EML5: variants seen among roughly 807,000 people sequenced by gnomAD.
EML5 encodes echinoderm microtubule-associated protein-like 5.
A neutral mutation model predicts 250.0 loss-of-function variants in EML5; 120 were observed. That is an observed-to-expected ratio of 0.48 (90% CI 0.41 to 0.56). The LOEUF (loss-of-function observed/expected upper bound fraction) is 0.56. Ranked by LOEUF, EML5 falls within the 20% of genes least tolerant of loss-of-function variation. EML5 has a pLI of 0.00. For missense variants in EML5, 2,006 were observed against 2,437.6 expected, an observed-to-expected ratio of 0.82 and a Z score of 3.73; for synonymous variants, 771 against 806.5, an observed-to-expected ratio of 0.96 and a Z score of 0.75.
intron 21 of EML5, among the ~76,000 whole-genome samples, chr14:88,665,705 G>C (rs981977111): frequency 6.6e-6 from 1 of 152,160 alleles, no homozygotes; most frequent in African/African-American, 2.4e-5. Flanking sequence ...CAAAGGAGAA[G>C]GGGCGAGGGG....
At chr14:88,713,094 T>C (rs2093431471) in intron 9 of EML5, among the ~76,000 whole-genome samples, 1 of 152,064 alleles carries the variant, frequency 6.6e-6, no homozygotes, top group African/African-American at 2.4e-5. Flanking sequence ...TCACAACAAA[T>C]AAAGTACTAT....
intron 17 of EML5, among the ~76,000 whole-genome samples, chr14:88,692,149 T>C (rs1339201363): frequency 1.3e-5 from 2 of 151,910 alleles, no homozygotes; most frequent in Non-Finnish European, 2.9e-5. Flanking sequence ...CCAAGGCGGG[T>C]TGATCACCTG....
Position 88,615,563 on chromosome 14 carries a change from A to G in EML5, c.*255T>C. ...ATCACACACTTCCCAATACAGGGGG[A>G]CTTGGCCTTTACCATCAAGTATTCG... On this transcript the variant is annotated 3_prime_UTR_variant, in exon 44 of 44. Coordinates refer to ENST00000554922, the MANE Select transcript of EML5 (RefSeq NM_183387.3). 1 of 420,648 alleles carries G rather than the reference A, an allele frequency of 2.4e-6. No individual in the cohort carries two copies. The highest frequency in any genetic ancestry group is 4.2e-6 in the Non-Finnish European group (1 of 238,398). 26.1% of individuals were successfully genotyped at this position (420,648 alleles called of 1,614,324 possible).
chr14:88,663,652 G>T (rs1266956498), intron 23 of EML5, among the ~76,000 whole-genome samples: 2 of 151,756 alleles, frequency 1.3e-5, no homozygotes, highest in African/African-American at 4.8e-5. Context: ...ATCAAACAAT[G>T]AGAAAAATGA....
Position 88,627,061 on chromosome 14 carries a change from C to A in EML5, c.4532-15G>T. On this transcript the variant is annotated splice_polypyrimidine_tract_variant and intron_variant, in intron 34 of 43. Transcript: ENST00000554922. ...AATTTTGGCACCTGACAAGATACAA[C>A]AAAATTATCTAGGTTATTACAAGAA... is the stretch of plus-strand genomic sequence containing the variant. The A allele has an allele frequency of 6.2e-7, 1 of 1,612,490 alleles. No individual in the cohort carries two copies.
At chr14:88,791,971 AG>A (rs1169522496) in intron 1 of EML5, among the ~76,000 whole-genome samples, 2 of 152,204 alleles carry the variant, frequency 1.3e-5, no homozygotes, top group Non-Finnish European at 2.9e-5. Context: ...AATTTCTCAC[AG>A]GATCTAACGG....
At chr14:88,654,005 A>G (rs955564615) in intron 27 of EML5, among the ~76,000 whole-genome samples, 3 of 152,026 alleles carry the variant, frequency 2.0e-5, no homozygotes, top group African/African-American at 7.2e-5. Context: ...CTTCTGGTTT[A>G]GTCTTGGGAG....
intron 17 of EML5, 132 bp downstream of exon 17, chr14:88,694,175 A>G (rs1018364482): frequency 1.6e-6 from 1 of 638,322 alleles, no homozygotes; most frequent in Admixed American, 3.1e-5. Flanking sequence ...TTCAGATTTC[A>G]TCAGTTTTTC....
chr14:88,685,619 AT>A (rs147919424), intron 19 of EML5, among the ~76,000 whole-genome samples: 8 of 149,774 alleles, frequency 5.3e-5, no homozygotes, highest in Middle Eastern at 3.5e-3. Flanking sequence ...CATTCCATAT[AT>A]TTTTTTTTTC....
intron 31 of EML5, among the ~76,000 whole-genome samples, chr14:88,640,057 T>C (rs113805688): frequency 2.0e-5 from 3 of 151,982 alleles, no homozygotes; most frequent in Admixed American, 6.6e-5. Context: ...ATCCAGAGGA[T>C]AGAGAAACCA....
rs148449442 is a variant in EML5, at chr14:88,769,529, G to A, written c.198-14858C>T. Among the ~76,000 whole-genome samples the A allele has an allele frequency of 2.9e-3, 448 of 152,304 alleles. 3 individuals are homozygous for A. Among genetic ancestry groups the A allele is most frequent in the African/African-American group, 0.01 (434 of 41,566 alleles). On this transcript the variant is annotated intron_variant, in intron 1 of 43. Coordinates refer to ENST00000554922, the MANE Select transcript of EML5 (RefSeq NM_183387.3). ...GAATGGACTAATACAGGTGTTTAGA[G>A]AAAAGACAATATCTAAAAGGGCTCC...
At chr14:88,635,688 C>T (rs1481981172) in intron 32 of EML5, among the ~76,000 whole-genome samples, 1 of 152,150 alleles carries the variant, frequency 6.6e-6, no homozygotes, top group African/African-American at 2.4e-5. Context: ...TCTCTTCCAT[C>T]CCACACCACA....
chr14:88,704,856 A>G lies in EML5; in HGVS notation c.2051+4T>C, dbSNP rs2093286592. 2 of 1,603,778 alleles carry G rather than the reference A, an allele frequency of 1.2e-6. No individual in the cohort carries two copies. The highest frequency in any genetic ancestry group is 4.5e-5 in the East Asian group (2 of 44,722). On this transcript the variant is annotated splice_donor_region_variant and intron_variant, in intron 13 of 43. Transcript: ENST00000554922. ...CAAATAAATGAAAGATAGTTGTTTT[A>G]TACCCGTGAACAAAGTGTAATCGAA...
intron 1 of EML5, among the ~76,000 whole-genome samples, chr14:88,770,164 A>G (rs562909148): frequency 6.6e-6 from 1 of 152,230 alleles, no homozygotes; most frequent in Admixed American, 6.5e-5. Flanking sequence ...TCTCTGTTTA[A>G]GTAATGCTGG....
At chr14:88,699,053 T>C (rs1431392071) in intron 14 of EML5, among the ~76,000 whole-genome samples, 1 of 152,102 alleles carries the variant, frequency 6.6e-6, no homozygotes, top group Admixed American at 6.5e-5. Context: ...CAGTATTTAG[T>C]ATAATATTGA....
intron 9 of EML5, among the ~76,000 whole-genome samples, chr14:88,713,990 A>T (rs2093449118): frequency 6.6e-6 from 1 of 151,198 alleles, no homozygotes; most frequent in Non-Finnish European, 1.5e-5. Flanking sequence ...GGTGCATACC[A>T]CCATGCCTGG....
chr14:88,739,064 CT>C (rs1385017495), intron 5 of EML5, 50 bp from the exon 6 acceptor site: 1 of 1,524,738 alleles, frequency 6.6e-7, no homozygotes, highest in Non-Finnish European at 8.8e-7. Context: ...TTAAGAACAT[CT>C]ACTATATGAA....
At chr14:88,761,912 T>C (rs2094250050) in intron 1 of EML5, among the ~76,000 whole-genome samples, 1 of 152,218 alleles carries the variant, frequency 6.6e-6, no homozygotes, top group Non-Finnish European at 1.5e-5. Context: ...GATATCATAC[T>C]GTGGTTTTGA....
At chr14:88,784,433 A>C (rs934687581) in intron 1 of EML5, among the ~76,000 whole-genome samples, 11 of 152,158 alleles carry the variant, frequency 7.2e-5, no homozygotes, top group African/African-American at 2.4e-4. Flanking sequence ...ATACAAATAA[A>C]ATTGGAAATG....
Sources: gnomAD v4.1 joint callset for allele counts (sites outside exome capture counted in the v4.1 genomes callset) on GRCh38, gnomAD v4.1.1 for gene constraint, MANE v1.5 for transcripts, NCBI Gene and HGNC (gene_info 2026-07-23, HGNC 2026-07-21) for gene names.